The following FANK1 variants were observed in gnomAD, a reference collection of about 807,000 sequenced individuals.
FANK1 encodes fibronectin type 3 and ankyrin repeat domains protein 1.
A neutral mutation model predicts 45.3 loss-of-function variants in FANK1; 44 were observed. The observed-to-expected ratio is 0.97, with a 90% confidence interval of 0.76 to 1.25. The LOEUF (loss-of-function observed/expected upper bound fraction) is 1.25. Ranked by LOEUF, FANK1 falls within the 50% of genes most tolerant of loss-of-function variation. The pLI is 0.00. For synonymous variants in FANK1, 149 were observed against 152.5 expected (o/e 0.98, Z 0.17); for missense variants, 391 against 424.4 (o/e 0.92, Z 0.69).
intron 1 of FANK1, chr10:125,973,352 A>T (rs1421968554): frequency 3.8e-6 from 3 of 795,166 alleles, no homozygotes; most frequent in African/African-American, 1.9e-5. Context: ...ACAGTCTACC[A>T]TTCCTGGTGT....
At chr10:125,970,548 T>G (rs560962730) in intron 1 of FANK1, among the ~76,000 whole-genome samples, 1 of 152,316 alleles carries the variant, frequency 6.6e-6, no homozygotes, top group South Asian at 2.1e-4. Flanking sequence ...TGAGCGAGAC[T>G]CCGTCTGCAA....
intron 6 of FANK1, among the ~76,000 whole-genome samples, chr10:125,998,279 C>T (rs1279880787): frequency 6.6e-6 from 1 of 152,174 alleles, no homozygotes; most frequent in East Asian, 1.9e-4. Flanking sequence ...CTGGGGGAGG[C>T]CTTGAAGAAA....
intron 4 of FANK1, 33 bp downstream of exon 4, chr10:125,995,531 C>T: frequency 6.3e-7 from 1 of 1,595,030 alleles, no homozygotes; most frequent in Non-Finnish European, 8.6e-7. Flanking sequence ...TTTTTTTCCC[C>T]CATGCCTATA....
intron 1 of FANK1, among the ~76,000 whole-genome samples, chr10:125,955,391 A>G (rs1564910671): frequency 1.3e-5 from 2 of 152,132 alleles, no homozygotes; most frequent in African/African-American, 2.4e-5. Flanking sequence ...GCTGAGGATA[A>G]TGGCTTCCAG....
At position 126,002,488 on chromosome 10, in the gene FANK1, G is replaced by A. The variant is rs548931750; in HGVS notation, c.540-2396G>A. 1.4e-4 allele frequency among the ~76,000 whole-genome samples: 21 copies of A among 152,260 alleles called. No individual in the cohort carries two copies. The East Asian group carries it at 3.9e-3, about 28-fold the overall frequency. On this transcript the variant is annotated intron_variant, in intron 6 of 10. Transcript: ENST00000368693. ...GCTGCACCATGCTGACTGTCTTCTG[G>A]GGGTCTCCAAGAAATGAGGGACTGT... is the stretch of plus-strand genomic sequence containing the variant.
chr10:125,945,003 C>T (rs1473869281), intron 1 of FANK1, among the ~76,000 whole-genome samples: 1 of 152,208 alleles, frequency 6.6e-6, no homozygotes, highest in African/African-American at 2.4e-5. Context: ...TGTCTCCACA[C>T]CTTCCACTGT....
At position 125,980,175 on chromosome 10, in the gene FANK1, T is replaced by A. The variant is rs151290957; in HGVS notation, c.28T>A (p.Ser10Thr). 180 of 1,611,602 alleles carry A rather than the reference T, an allele frequency of 1.1e-4. No homozygotes were observed. Among genetic ancestry groups the A allele is most frequent in the Middle Eastern group, 1.7e-4 (1 of 6,050 alleles). The change falls in exon 2 of 11, where the codon TCA becomes ACA. Residue 10 changes from serine to threonine, a missense_variant. Ser to Thr is a moderately conservative substitution (Grantham distance 58). Transcript: ENST00000368693. ...CTTTTTTTTAGAAATCATGCCACCC[T>A]CAAAGCCTCATCCACCTGTCGTGGG... MEPQKIMPP[S>T]KPHPPVVGKV...
At chr10:125,961,355 C>G (rs916352309) in intron 1 of FANK1, among the ~76,000 whole-genome samples, 1 of 152,128 alleles carries the variant, frequency 6.6e-6, no homozygotes, top group Non-Finnish European at 1.5e-5. Flanking sequence ...AATGATTCTC[C>G]TGCCTTAGCC....
At chr10:125,932,226 A>G (rs191730032) in intron 1 of FANK1, among the ~76,000 whole-genome samples, 5 of 152,236 alleles carry the variant, frequency 3.3e-5, no homozygotes, top group Non-Finnish European at 7.4e-5. Flanking sequence ...TGTTTTTTCT[A>G]ATTCTGTGAA....
chr10:125,941,021 A>G (rs1948422622), intron 1 of FANK1, among the ~76,000 whole-genome samples: 1 of 152,190 alleles, frequency 6.6e-6, no homozygotes, highest in East Asian at 1.9e-4. Flanking sequence ...GCAGTTTCTT[A>G]TGTGTTCCTT....
chr10:125,964,097 A>T (rs1950076534), intron 1 of FANK1, among the ~76,000 whole-genome samples: 1 of 151,820 alleles, frequency 6.6e-6, no homozygotes, highest in Admixed American at 6.6e-5. Context: ...TGCTGACAAA[A>T]TTATTTTTCT....
chr10:125,903,893 A>G (rs946588642), intron 1 of FANK1, among the ~76,000 whole-genome samples: 1 of 152,066 alleles, frequency 6.6e-6, no homozygotes, highest in Admixed American at 6.6e-5. Flanking sequence ...CTTGTCGCCC[A>G]GGCTGGAGTG....
intron 1 of FANK1, among the ~76,000 whole-genome samples, chr10:125,978,176 A>G (rs1046814140): frequency 1.3e-5 from 2 of 152,166 alleles, no homozygotes; most frequent in Non-Finnish European, 2.9e-5. Context: ...AACAGCAAAT[A>G]TGGCAGCCTG....
At chr10:125,909,051 A>G (rs1945774476) in intron 1 of FANK1, among the ~76,000 whole-genome samples, 1 of 152,374 alleles carries the variant, frequency 6.6e-6, no homozygotes, top group South Asian at 2.1e-4. Flanking sequence ...CTCACTTAAC[A>G]TGGCTAGCAA....
intron 1 of FANK1, among the ~76,000 whole-genome samples, chr10:125,971,326 C>G (rs1471581648): frequency 3.3e-5 from 5 of 152,012 alleles, no homozygotes; most frequent in Non-Finnish European, 5.9e-5. Context: ...TTGGTCTCCA[C>G]TACTGGTTGC....
intron 1 of FANK1, among the ~76,000 whole-genome samples, chr10:125,943,233 C>G (rs1948566577): frequency 6.6e-6 from 1 of 152,084 alleles, no homozygotes; most frequent in African/African-American, 2.4e-5. Flanking sequence ...ATGTCTAAAT[C>G]AGGAATCAGA....
At chr10:125,937,463 A>G (rs1196617195) in intron 1 of FANK1, among the ~76,000 whole-genome samples, 6 of 152,192 alleles carry the variant, frequency 3.9e-5, no homozygotes, top group Admixed American at 1.3e-4. Context: ...TGTTTTTGGT[A>G]TTGAGTCAAT....
intron 1 of FANK1, among the ~76,000 whole-genome samples, chr10:125,936,502 A>G (rs1948109426): frequency 6.6e-6 from 1 of 151,592 alleles, no homozygotes; most frequent in South Asian, 2.1e-4. Flanking sequence ...TCCGGATTCA[A>G]TCTCCATGCT....
chr10:125,933,417 G>A (rs577056933), intron 1 of FANK1, among the ~76,000 whole-genome samples: 3 of 152,120 alleles, frequency 2.0e-5, no homozygotes, highest in African/African-American at 7.2e-5. Context: ...CTACTTATGT[G>A]TGTAAAGGTG....
Sources: allele counts gnomAD v4.1 joint callset (sites outside exome capture counted in the v4.1 genomes callset), GRCh38; gene constraint gnomAD v4.1.1; transcripts MANE v1.5; gene names NCBI Gene and HGNC (gene_info 2026-07-23, HGNC 2026-07-21).